TSC2: variants seen among roughly 807,000 people sequenced by gnomAD.
The protein encoded by TSC2 is tuberin.
TSC2 carries 29 observed loss-of-function variants against 202.2 expected under a neutral mutation model. That is an observed-to-expected ratio of 0.14 (90% CI 0.11 to 0.20). The LOEUF (loss-of-function observed/expected upper bound fraction) is 0.20. Ranked by LOEUF, TSC2 falls within the 10% of genes least tolerant of loss-of-function variation. TSC2 has a pLI of 1.00. For synonymous variants in TSC2, 1,349 were observed against 1,044.0 expected, an observed-to-expected ratio of 1.29 and a Z score of -5.63; for missense variants, 2,429 against 2,420.0, an observed-to-expected ratio of 1.00 and a Z score of -0.08.
At chr16:2,085,153 C>A (rs1484507233) in intron 35 of TSC2, 77 bp from the exon 36 acceptor site, 1 of 1,605,668 alleles carries the variant, frequency 6.2e-7, no homozygotes, top group Non-Finnish European at 8.5e-7. Context: ...CTGTGGCAGC[C>A]TGCCGTGACC....
At chr16:2,058,402 T>C (rs1428679587) in intron 9 of TSC2, among the ~76,000 whole-genome samples, 1 of 152,190 alleles carries the variant, frequency 6.6e-6, no homozygotes, top group Non-Finnish European at 1.5e-5. Context: ...TTCTTGGCTG[T>C]GATTGGAGGA....
chr16:2,072,116 C>A, intron 19 of TSC2, 125 bp from the exon 20 acceptor site: 1 of 1,560,872 alleles, frequency 6.4e-7, no homozygotes, highest in Non-Finnish European at 8.6e-7. Flanking sequence ...CAGGCTCCCC[C>A]GGCTGAGAAC....
intron 22 of TSC2, among the ~76,000 whole-genome samples, chr16:2,075,550 AG>A (rs375722841): frequency 2.0e-5 from 3 of 148,220 alleles, no homozygotes; most frequent in African/African-American, 5.2e-5. Flanking sequence ...AAAAAAAAAA[AG>A]AGGTGCGGAA....
chr16:2,076,620 G>A (rs947229452), intron 25 of TSC2, 35 bp downstream of exon 25: 1 of 1,609,008 alleles, frequency 6.2e-7, no homozygotes, highest in Non-Finnish European at 8.5e-7. Context: ...GAGTCGGTGT[G>A]GGGTGGGGAA....
At chr16:2,049,378 A>G (rs1027708793) in intron 2 of TSC2, among the ~76,000 whole-genome samples, 6 of 151,844 alleles carry the variant, frequency 4.0e-5, no homozygotes, top group African/African-American at 1.5e-4. Flanking sequence ...GAGCCATCGC[A>G]CATGGGCTAG....
intron 9 of TSC2, among the ~76,000 whole-genome samples, chr16:2,058,391 C>T (rs2086173806): frequency 6.6e-6 from 1 of 152,234 alleles, no homozygotes; most frequent in Non-Finnish European, 1.5e-5. Flanking sequence ...TGTGGCTTTC[C>T]TTCTTGGCTG....
chr16:2,089,422 G>T lies in TSC2; in HGVS notation c.*812G>T, dbSNP rs1408939851. The stretch of plus-strand genomic sequence containing the variant: ...AGCAGTGGGGGACATCTGCCCAGGG[G>T]GTGGGGCCGGGCACAGCCCGCTGTA... On this transcript the variant is annotated 3_prime_UTR_variant, in exon 42 of 42. Transcript: ENST00000219476. 2 of 471,490 alleles carry T rather than the reference G, an allele frequency of 4.2e-6. No individual in the cohort carries two copies. Among genetic ancestry groups the T allele is most frequent in the Non-Finnish European group, 7.7e-6 (2 of 259,792 alleles). 29.2% of individuals were successfully genotyped at this position (471,490 alleles called of 1,614,324 possible). A position where few individuals can be genotyped will look rare whatever the true frequency, so the allele number is the denominator to read the frequency against.
chr16:2,072,086 G>C lies in TSC2; in HGVS notation c.2097+152G>C, dbSNP rs772881200. 3.7e-5 allele frequency: 55 copies of C among 1,504,716 alleles called. 1 individual carries two copies. The South Asian group carries it at 5.5e-4, about 15-fold the overall frequency. 93.2% of individuals were successfully genotyped at this position (1,504,716 alleles called of 1,614,324 possible). On this transcript the variant is annotated intron_variant, in intron 19 of 41. Coordinates refer to ENST00000219476, the MANE Select transcript of TSC2 (RefSeq NM_000548.5). ...TTCCCCCTTCCCCGAGCAGCTGCAG[G>C]GACAGAGGCCTGCGCTGGGCAGGCT... is the stretch of plus-strand genomic sequence containing the variant.
At position 2,085,219 on chromosome 16, in the gene TSC2, G is replaced by A. The variant is rs753007714; in HGVS notation, c.4570-11G>A. ...GCGTCTGGGGCTCAGGCAGGGCTCTGTGTGCCACAGTCACAGTCCTTTGAG... is the reference window on the plus strand; with the variant it reads ...GCGTCTGGGGCTCAGGCAGGGCTCTATGTGCCACAGTCACAGTCCTTTGAG... On this transcript the variant is annotated splice_polypyrimidine_tract_variant and intron_variant, in intron 35 of 41. Transcript: ENST00000219476. The A allele has an allele frequency of 1.9e-6, 3 of 1,612,690 alleles. No individual in the cohort carries two copies. Among genetic ancestry groups the A allele is most frequent in the Non-Finnish European group, 8.5e-7 (1 of 1,179,918 alleles).
intron 30 of TSC2, 152 bp from the exon 31 acceptor site, chr16:2,081,443 C>A: frequency 9.8e-7 from 1 of 1,025,560 alleles, no homozygotes; most frequent in Non-Finnish European, 1.5e-6. Flanking sequence ...GGGTGGCCGT[C>A]AGAGCAGCGC....
chr16:2,056,001 C>A, intron 6 of TSC2, 195 bp from the exon 7 acceptor site: 1 of 683,034 alleles, frequency 1.5e-6, no homozygotes, highest in Non-Finnish European at 2.7e-6. Flanking sequence ...AGCTCTGTCT[C>A]ACTCATGCTG....
At chr16:2,051,044 G>A (rs1464717500) in intron 3 of TSC2, among the ~76,000 whole-genome samples, 2 of 152,124 alleles carry the variant, frequency 1.3e-5, no homozygotes, top group Non-Finnish European at 2.9e-5. Context: ...TCTATGCCGA[G>A]CGGGGGTGCG....
intron 22 of TSC2, among the ~76,000 whole-genome samples, chr16:2,075,573 C>T (rs1334343481): frequency 3.3e-5 from 5 of 150,556 alleles, no homozygotes; most frequent in East Asian, 3.9e-4. Context: ...CCTTTCCTCA[C>T]GGATCACACA....
chr16:2,085,163 C>G, intron 35 of TSC2, 67 bp from the exon 36 acceptor site: 9 of 1,607,876 alleles, frequency 5.6e-6, no homozygotes, highest in Non-Finnish European at 6.8e-6. Context: ...CTGCCGTGAC[C>G]GGCCTGGGTG....
intron 37 of TSC2, 77 bp from the exon 38 acceptor site, chr16:2,086,655 C>CA: frequency 6.3e-7 from 1 of 1,592,504 alleles, no homozygotes; most frequent in Non-Finnish European, 8.5e-7. Flanking sequence ...CTGGAGTAAT[C>CA]AGGAGGTGCC....
chr16:2,056,724 C>T lies in TSC2; in HGVS notation c.729C>T (p.Leu243=), dbSNP rs45473698. The change falls in exon 8 of 42, where the codon CTC becomes CTT. Residue 243 remains leucine, a synonymous_variant. Transcript: ENST00000219476. ...AESLPLFIVT[L]CRTINVKELC... ...GCCTCCCGCTGTTCATCGTTACCCT[C>T]TGTCGCACCATCAACGTCAAGGAGC... is the stretch of plus-strand genomic sequence containing the variant. 2 of 1,612,280 alleles carry T rather than the reference C, an allele frequency of 1.2e-6. No homozygotes were observed. The highest frequency in any genetic ancestry group is 4.5e-5 in the East Asian group (2 of 44,890).
At chr16:2,083,072 C>T (rs1429821840) in intron 32 of TSC2, 6 of 454,822 alleles carry the variant, frequency 1.3e-5, no homozygotes, top group African/African-American at 4.0e-5. Flanking sequence ...TGGGACGGGC[C>T]CTGGGGTGGC....
At position 2,084,567 on chromosome 16, in the gene TSC2, TC is replaced by T. The variant is rs397514939; in HGVS notation, c.4351del (p.Arg1451AlafsTer25). On this transcript the variant is annotated frameshift_variant, in exon 34 of 42. Coordinates refer to ENST00000219476, the MANE Select transcript of TSC2 (RefSeq NM_000548.5). LOFTEE classifies it high-confidence loss of function. Reference protein sequence around the residue: ...GQPEGPLPSSSPRSPSGLRPR... With the variant: ...GQPEGPLPSSXPRSPSGLRPR... ...GCCCGAGGGTCCCTTGCCTTCCAGC[TC>T]CCCCCGCTCGCCCAGTGGCCTCCGG... The T allele has an allele frequency of 6.2e-7, 1 of 1,607,164 alleles. No individual in the cohort carries two copies. Among genetic ancestry groups the T allele is most frequent in the Admixed American group, 1.7e-5 (1 of 59,928 alleles).
intron 7 of TSC2, 46 bp downstream of exon 7, chr16:2,056,290 C>T: frequency 1.9e-6 from 3 of 1,612,148 alleles, no homozygotes; most frequent in Non-Finnish European, 8.5e-7. Flanking sequence ...ACCCTGGTTT[C>T]TGGGAGGCTG....
Sources: allele counts gnomAD v4.1 joint callset (sites outside exome capture counted in the v4.1 genomes callset), GRCh38; gene constraint gnomAD v4.1.1; transcripts MANE v1.5; gene names NCBI Gene and HGNC (gene_info 2026-07-23, HGNC 2026-07-21).